APOL6: variants seen among roughly 807,000 people sequenced by gnomAD.
APOL6 encodes apolipoprotein L6.
APOL6 carries 1 observed loss-of-function variant against 2.4 expected under a neutral mutation model. That is an observed-to-expected ratio of 0.41 (90% CI 0.15 to 1.94). The LOEUF (loss-of-function observed/expected upper bound fraction) is 1.94, where lower values mean the gene tolerates loss of function less well. Among genes scored for constraint, APOL6 ranks in the 30% most tolerant of loss-of-function variants. The pLI is 0.30. For missense variants in APOL6, 438 were observed against 429.2 expected, an observed-to-expected ratio of 1.02 and a Z score of -0.18; for synonymous variants, 189 against 169.3, an observed-to-expected ratio of 1.12 and a Z score of -0.90.
At chr22:35,657,888 C>T (rs1019756303) in intron 2 of APOL6, among the ~76,000 whole-genome samples, 9 of 152,230 alleles carry the variant, frequency 5.9e-5, no homozygotes, top group South Asian at 4.1e-4. Flanking sequence ...AAGATCCCTT[C>T]GTACTTCATC....
chr22:35,657,755 C>T (rs1340849861), intron 2 of APOL6, among the ~76,000 whole-genome samples: 3 of 152,320 alleles, frequency 2.0e-5, no homozygotes, highest in East Asian at 1.9e-4. Context: ...CACCAGGCCT[C>T]CTCGGCTCAC....
chr22:35,654,178 A>T (rs1471431546), intron 1 of APOL6, among the ~76,000 whole-genome samples: 1 of 152,038 alleles, frequency 6.6e-6, no homozygotes, highest in African/African-American at 2.4e-5. Context: ...AGCTCTCTGA[A>T]CCCTGTCCTT....
intron 2 of APOL6, among the ~76,000 whole-genome samples, chr22:35,658,079 C>T (rs1274175443): frequency 6.6e-6 from 1 of 152,124 alleles, no homozygotes; most frequent in African/African-American, 2.4e-5. Context: ...AGCAAAGACA[C>T]ACCCCAGAGT....
rs575853273 is a variant in APOL6, at chr22:35,659,206, C to T, written c.642C>T (p.Ser214=). 2 of 1,614,200 alleles carry T rather than the reference C, an allele frequency of 1.2e-6. No homozygotes were observed. The highest frequency in any genetic ancestry group is 1.7e-5 in the Admixed American group (1 of 60,032). The part of the protein sequence containing the change: ...LLTTGQVSSR[S]RVQVQKAFAG... Reference sequence around the variant, plus strand: ...CCACTGGCCAAGTCTCCTCCCGGAGCCGCGTGCAGGTGCAAAAGGCCTTTG... The same window carrying T: ...CCACTGGCCAAGTCTCCTCCCGGAGTCGCGTGCAGGTGCAAAAGGCCTTTG... The change falls in exon 3 of 3, where the codon AGC becomes AGT. Residue 214 remains serine, a synonymous_variant. Coordinates refer to ENST00000409652, the MANE Select transcript of APOL6 (RefSeq NM_030641.4).
At chr22:35,655,438 C>A (rs1457047775) in intron 1 of APOL6, among the ~76,000 whole-genome samples, 2 of 152,204 alleles carry the variant, frequency 1.3e-5, no homozygotes, top group Admixed American at 6.5e-5. Context: ...CTTCTACAAC[C>A]AATTCATTTG....
intron 1 of APOL6, among the ~76,000 whole-genome samples, chr22:35,653,474 C>T (rs1289443425): frequency 6.6e-6 from 1 of 152,148 alleles, no homozygotes; most frequent in Admixed American, 6.6e-5. Flanking sequence ...CTGTCTTGTG[C>T]CAGTTTTCAA....
rs1601870495 is a variant in APOL6 at position 35,663,467 on chromosome 22, C to A, written c.*3871C>A. 1 of 146,170 alleles carries A rather than the reference C, an allele frequency of 6.8e-6. No individual in the cohort carries two copies. Among genetic ancestry groups the A allele is most frequent in the African/African-American group, 2.5e-5 (1 of 39,798 alleles). The allele number at this position is 146,170 out of a possible 1,614,324, so 9.1% of individuals were successfully genotyped here. A position where few individuals can be genotyped will look rare whatever the true frequency, so the allele number is the denominator to read the frequency against. On this transcript the variant is annotated 3_prime_UTR_variant, in exon 3 of 3. Coordinates refer to ENST00000409652, the MANE Select transcript of APOL6 (RefSeq NM_030641.4). ...TTGAAAGGCCTTCATGTTTTTGTTT[C>A]TTGTTTGTTTTTCTCTCCTAAGACC...
At chr22:35,656,117 C>G (rs1924838273) in intron 1 of APOL6, among the ~76,000 whole-genome samples, 1 of 152,090 alleles carries the variant, frequency 6.6e-6, no homozygotes, top group Non-Finnish European at 1.5e-5. Context: ...ATCCTTATGC[C>G]AAAGTGGCAT....
chr22:35,665,998 A>G lies in APOL6; in HGVS notation c.*6402A>G, dbSNP rs1424242697. On this transcript the variant is annotated 3_prime_UTR_variant, in exon 3 of 3. Coordinates refer to ENST00000409652, the MANE Select transcript of APOL6 (RefSeq NM_030641.4). ...GGCTTATTTGGTATAAAAATTATAT[A>G]GGAAGCATTGTCAAATGTGAAATGG... The G allele has an allele frequency of 6.6e-6, 1 of 152,236 alleles. No homozygotes were observed. The highest frequency in any genetic ancestry group is 1.5e-5 in the Non-Finnish European group (1 of 68,050). 9.4% of individuals were successfully genotyped at this position (152,236 alleles called of 1,614,324 possible). A position where few individuals can be genotyped will look rare whatever the true frequency, so the allele number is the denominator to read the frequency against.
In APOL6 at chr22:35,656,366, C is replaced by T; in HGVS notation, c.-47-13C>T. The stretch of plus-strand genomic sequence containing the variant: ...TATGTGCAGTAACGTTGTTTTTCTA[C>T]ATTCCTGACCAGAAAATCATTTGAC... On this transcript the variant is annotated splice_polypyrimidine_tract_variant and intron_variant, in intron 1 of 2. Transcript: ENST00000409652. 2 of 1,601,904 alleles carry T rather than the reference C, an allele frequency of 1.2e-6. No homozygotes were observed. The highest frequency in any genetic ancestry group is 1.7e-6 in the Non-Finnish European group (2 of 1,168,964).
Position 35,658,801 on chromosome 22 carries a change from G to A in APOL6, c.237G>A (p.Met79Ile). The A allele has an allele frequency of 6.2e-7, 1 of 1,614,152 alleles. No homozygotes were observed. The highest frequency in any genetic ancestry group is 1.1e-5 in the South Asian group (1 of 91,084). Reference sequence around the variant, plus strand: ...ACAAGAAATTCACCAAGGCTAACATGGTGGCCACCTCTACTGCTGTCATCT... The same window carrying A: ...ACAAGAAATTCACCAAGGCTAACATAGTGGCCACCTCTACTGCTGTCATCT... ...KTHKKFTKANMVATSTAVISG... is the reference protein window; with the variant it reads ...KTHKKFTKANIVATSTAVISG... Residue 79 changes from methionine to isoleucine, a missense_variant, in exon 3 of 3, where the codon ATG becomes ATA. Transcript: ENST00000409652.
At chr22:35,654,438 G>T (rs1440442231) in intron 1 of APOL6, among the ~76,000 whole-genome samples, 4 of 151,814 alleles carry the variant, frequency 2.6e-5, no homozygotes, top group South Asian at 2.1e-4. Flanking sequence ...GTTAAGAAAA[G>T]ATGCTCTTTT....
rs893924804 is a variant in APOL6, at chr22:35,664,157, A to G, written c.*4561A>G. 6.6e-6 allele frequency: 1 copy of G among 152,220 alleles called. No individual in the cohort carries two copies. The highest frequency in any genetic ancestry group is 2.1e-4 in the South Asian group (1 of 4,838). The allele number at this position is 152,220 out of a possible 1,614,324, so 9.4% of individuals were successfully genotyped here. A position where few individuals can be genotyped will look rare whatever the true frequency, so the allele number is the denominator to read the frequency against. ...CAGCATACATTTTTGTTTGCATTAT[A>G]TTAATCAAACAGTTTTATACTTATC... is the stretch of plus-strand genomic sequence containing the variant. On this transcript the variant is annotated 3_prime_UTR_variant, in exon 3 of 3. Transcript: ENST00000409652.
intron 1 of APOL6, among the ~76,000 whole-genome samples, chr22:35,649,119 G>C (rs1190711657): frequency 1.3e-5 from 2 of 152,132 alleles, no homozygotes; most frequent in African/African-American, 4.8e-5. Context: ...TGGGGAAGAG[G>C]GTGAGGGAGT....
At chr22:35,649,097 T>C (rs1924621897) in intron 1 of APOL6, among the ~76,000 whole-genome samples, 1 of 152,152 alleles carries the variant, frequency 6.6e-6, no homozygotes, top group South Asian at 2.1e-4. Flanking sequence ...TGTAGATTTA[T>C]GTGAAGTTGT....
At chr22:35,658,234 C>T (rs962094720) in intron 2 of APOL6, among the ~76,000 whole-genome samples, 1 of 152,154 alleles carries the variant, frequency 6.6e-6, no homozygotes, top group African/African-American at 2.4e-5. Context: ...AGAACTCTCC[C>T]GCCATTGTTC....
chr22:35,649,399 C>T (rs1462689939), intron 1 of APOL6, among the ~76,000 whole-genome samples: 1 of 149,464 alleles, frequency 6.7e-6, no homozygotes, highest in African/African-American at 2.5e-5. Flanking sequence ...GATCGCACCA[C>T]TGCACTCCAG....
intron 1 of APOL6, among the ~76,000 whole-genome samples, chr22:35,649,178 G>A (rs1030289984): frequency 3.3e-5 from 5 of 152,198 alleles, no homozygotes; most frequent in Non-Finnish European, 7.3e-5. Context: ...GCTCATGCCT[G>A]TAATCCCAGC....
At position 35,659,407 on chromosome 22, in the gene APOL6, A is replaced by G. The variant is rs779632760; in HGVS notation, c.843A>G (p.Lys281=). ...LRAKALELER[K]LTELTQLYKS... ...CCAAGGCCTTGGAGCTGGAGAGGAA[A>G]CTCACAGAACTCACCCAGCTCTACA... Residue 281 remains lysine (K), a synonymous_variant, in exon 3 of 3, where the codon AAA becomes AAG. Transcript: ENST00000409652. 2 of 1,613,734 alleles carry G rather than the reference A, an allele frequency of 1.2e-6. No homozygotes were observed. Among genetic ancestry groups the G allele is most frequent in the Non-Finnish European group, 1.7e-6 (2 of 1,179,970 alleles).
Sources: gnomAD v4.1 joint callset for allele counts (sites outside exome capture counted in the v4.1 genomes callset) on GRCh38, gnomAD v4.1.1 for gene constraint, MANE v1.5 for transcripts, NCBI Gene and HGNC (gene_info 2026-07-23, HGNC 2026-07-21) for gene names.